The following RGS7 variants were observed in gnomAD, a reference collection of about 807,000 sequenced individuals.
RGS7 encodes regulator of G-protein signaling 7.
Under a neutral mutation model 81.1 loss-of-function variants are expected in RGS7, and 27 were observed. The ratio of observed to expected loss-of-function variants is 0.33; its 90% CI spans 0.25 to 0.46. RGS7 has a LOEUF of 0.46. Among genes scored for constraint, RGS7 ranks in the 20% least tolerant of loss-of-function variants. The pLI is 1.00. For synonymous variants in RGS7, 208 were observed against 207.7 expected, an observed-to-expected ratio of 1.00 and a Z score of -0.01; for missense variants, 396 against 607.4, an observed-to-expected ratio of 0.65 and a Z score of 3.66.
chr1:241,051,340 T>C (rs1558648986), intron 3 of RGS7, among the ~76,000 whole-genome samples: 1 of 152,208 alleles, frequency 6.6e-6, no homozygotes, highest in Non-Finnish European at 1.5e-5. Context: ...CTACAGGCTT[T>C]AATCACCTGC....
chr1:241,209,202 C>G (rs1361777734), intron 2 of RGS7, among the ~76,000 whole-genome samples: 2 of 152,176 alleles, frequency 1.3e-5, no homozygotes, highest in Non-Finnish European at 2.9e-5. Flanking sequence ...CCACTTTTAA[C>G]AGTGCTTTGA....
In RGS7 at chr1:241,043,810, A is replaced by T. The variant is rs112714594; in HGVS notation, c.175+54856T>A. 4.8e-3 allele frequency among the ~76,000 whole-genome samples: 724 copies of T among 152,014 alleles called. 7 individuals are homozygous for T. Among genetic ancestry groups the T allele is most frequent in the African/African-American group, 0.015 (627 of 41,534 alleles). On this transcript the variant is annotated intron_variant, in intron 3 of 18. Coordinates refer to ENST00000440928, the MANE Select transcript of RGS7 (RefSeq NM_001364886.1). ...ATTATAAGTAATCTAGAGATGTTTT[A>T]ATGTATAAGGGAGGATGTGTGTAGG...
intron 3 of RGS7, among the ~76,000 whole-genome samples, chr1:241,027,105 A>G: frequency 6.6e-6 from 1 of 151,754 alleles, no homozygotes; most frequent in South Asian, 2.1e-4. Flanking sequence ...CAGGAGGCTG[A>G]GGCAGGAAGA....
At chr1:241,249,196 C>T (rs907813544) in intron 2 of RGS7, among the ~76,000 whole-genome samples, 1 of 151,946 alleles carries the variant, frequency 6.6e-6, no homozygotes, top group African/African-American at 2.4e-5. Flanking sequence ...CTTTGTGAAA[C>T]CTAAGGACTC....
chr1:240,919,738 T>A (rs1195793222), intron 6 of RGS7: 1 of 635,496 alleles, frequency 1.6e-6, no homozygotes, highest in Non-Finnish European at 2.8e-6. Context: ...GGTGAGAGCC[T>A]GAGGGGCCAT....
chr1:241,190,123 C>A (rs751276193), intron 2 of RGS7, among the ~76,000 whole-genome samples: 10 of 152,000 alleles, frequency 6.6e-5, no homozygotes, highest in Non-Finnish European at 8.8e-5. Context: ...TCAACTGGTC[C>A]TATCTGTATG....
In RGS7 at chr1:241,070,589, A is replaced by G. The variant is rs550542782; in HGVS notation, c.175+28077T>C. Among the ~76,000 whole-genome samples, 208 of 152,320 alleles carry G rather than the reference A, an allele frequency of 1.4e-3. 1 individual carries two copies. Among genetic ancestry groups the G allele is most frequent in the African/African-American group, 4.7e-3 (196 of 41,568 alleles). On this transcript the variant is annotated intron_variant, in intron 3 of 18. Coordinates refer to ENST00000440928, the MANE Select transcript of RGS7 (RefSeq NM_001364886.1). ...AAGAGCTTCTTGAGGCCTTGATTAG[A>G]GCTGGGTGGAGCTAAGCCTGAAACA...
intron 2 of RGS7, among the ~76,000 whole-genome samples, chr1:241,154,359 C>G (rs1159653454): frequency 1.3e-5 from 2 of 152,068 alleles, no homozygotes; most frequent in Non-Finnish European, 2.9e-5. Context: ...AGTACAGACC[C>G]TGAGGGGAAA....
chr1:241,064,215 A>G (rs2148844093), intron 3 of RGS7, among the ~76,000 whole-genome samples: 1 of 150,998 alleles, frequency 6.6e-6, no homozygotes, highest in East Asian at 1.9e-4. Flanking sequence ...ATCAAATAAG[A>G]GAAAGGTGCT....
chr1:240,795,059 C>T (rs1305178512), intron 18 of RGS7, among the ~76,000 whole-genome samples: 1 of 152,062 alleles, frequency 6.6e-6, no homozygotes, highest in Non-Finnish European at 1.5e-5. Context: ...GTGGCACATG[C>T]CTGTAATCCC....
chr1:240,927,055 T>G (rs375957127), intron 6 of RGS7, among the ~76,000 whole-genome samples: 3 of 151,734 alleles, frequency 2.0e-5, no homozygotes, highest in Admixed American at 6.6e-5. Flanking sequence ...AAACTGGTTT[T>G]TTTTGTTTTG....
At chr1:240,915,281 A>G (rs1162890185) in intron 6 of RGS7, among the ~76,000 whole-genome samples, 1 of 151,920 alleles carries the variant, frequency 6.6e-6, no homozygotes. Context: ...TATCCTTCCC[A>G]TTGCACCTAA....
At chr1:240,989,897 T>A (rs1377156919) in intron 3 of RGS7, among the ~76,000 whole-genome samples, 1 of 152,176 alleles carries the variant, frequency 6.6e-6, no homozygotes, top group Non-Finnish European at 1.5e-5. Flanking sequence ...CAAGGACTCA[T>A]GGAGGCAGAG....
chr1:241,081,395 G>A (rs1413482978), intron 3 of RGS7, among the ~76,000 whole-genome samples: 1 of 152,224 alleles, frequency 6.6e-6, no homozygotes, highest in African/African-American at 2.4e-5. Context: ...CTTCCAGAAA[G>A]TTGTTTGTTT....
At position 241,340,296 on chromosome 1, in the gene RGS7, G is replaced by A. The variant is rs181115922; in HGVS notation, c.78+15403C>T. 6.7e-3 allele frequency among the ~76,000 whole-genome samples: 1,023 copies of A among 152,202 alleles called. 5 individuals are homozygous for A. The highest frequency in any genetic ancestry group is 8.0e-3 in the Non-Finnish European group (541 of 68,006). On this transcript the variant is annotated intron_variant, in intron 2 of 18. Transcript: ENST00000440928. ...AACCAAGTGAATGGTAACTTTTTTG[G>A]TTATAATCAAATACATCTCTCTTCT...
chr1:240,827,209 G>A (rs1275138804), intron 9 of RGS7, 37 bp from the exon 10 acceptor site: 14 of 1,537,042 alleles, frequency 9.1e-6, no homozygotes, highest in Non-Finnish European at 1.3e-5. Context: ...ATGAATCTTT[G>A]GGTGTGAAAT....
At chr1:241,177,288 C>T (rs990516869) in intron 2 of RGS7, among the ~76,000 whole-genome samples, 3 of 152,116 alleles carry the variant, frequency 2.0e-5, no homozygotes, top group Non-Finnish European at 4.4e-5. Context: ...AAGAAGCCAG[C>T]GTGCAAAGGG....
At chr1:241,007,003 G>A (rs1023197178) in intron 3 of RGS7, among the ~76,000 whole-genome samples, 2 of 152,186 alleles carry the variant, frequency 1.3e-5, no homozygotes, top group Admixed American at 6.5e-5. Flanking sequence ...TGCAACCCAC[G>A]TTTCCTGGGA....
rs888947723 is a variant in RGS7, at chr1:241,088,972, G to A, written c.175+9694C>T. 2.7e-5 allele frequency among the ~76,000 whole-genome samples: 4 copies of A among 146,384 alleles called. No individual in the cohort carries two copies. The East Asian group carries it at 8.1e-4, about 30-fold the overall frequency. ...GTTGCAGTGAGTTGAGATGGCGCGA[G>A]TTGAGACTGCGCGACTGCACTCCAG... On this transcript the variant is annotated intron_variant, in intron 3 of 18. Transcript: ENST00000440928.
Sources: allele counts gnomAD v4.1 joint callset (sites outside exome capture counted in the v4.1 genomes callset), GRCh38; gene constraint gnomAD v4.1.1; transcripts MANE v1.5; gene names NCBI Gene and HGNC (gene_info 2026-07-23, HGNC 2026-07-21).